SYT16: variants seen among roughly 807,000 people sequenced by gnomAD.
SYT16 encodes the protein synaptotagmin-16.
Under a neutral mutation model 61.4 loss-of-function variants are expected in SYT16, and 42 were observed. The ratio of observed to expected loss-of-function variants is 0.68; its 90% CI spans 0.53 to 0.89. The LOEUF (loss-of-function observed/expected upper bound fraction) is 0.89. Ranked by LOEUF, SYT16 falls within the 40% of genes least tolerant of loss-of-function variation. The probability of loss-of-function intolerance (pLI) is 0.00; values close to 1 mark genes in which losing one functional copy is unlikely to be tolerated. For synonymous variants in SYT16, 314 were observed against 302.3 expected, an observed-to-expected ratio of 1.04 and a Z score of -0.40; for missense variants, 804 against 807.3, an observed-to-expected ratio of 1.00 and a Z score of 0.05.
chr14:62,039,129 C>T (rs779203159), intron 3 of SYT16, among the ~76,000 whole-genome samples: 6 of 151,916 alleles, frequency 3.9e-5, no homozygotes, highest in Non-Finnish European at 7.4e-5. Flanking sequence ...TCCTCTTCTT[C>T]AGTGAAGAAA....
chr14:62,078,136 TCG>T (rs199559909), intron 5 of SYT16, among the ~76,000 whole-genome samples: 3,036 of 139,472 alleles, frequency 0.022, 60 homozygotes, highest in African/African-American at 0.047. Flanking sequence ...TAGTGCTCTC[TCG>T]CTCTCTCTCT....
chr14:62,111,253 G>C lies in SYT16; in HGVS notation c.*10546G>C, dbSNP rs2057603508. ...ATGGGTGTCCTTGAAGAACTTTCAT[G>C]AAAAAAATGTAAATGTGAATGATTC... On this transcript the variant is annotated 3_prime_UTR_variant, in exon 8 of 8. Transcript: ENST00000683842. The C allele has an allele frequency of 6.6e-6, 1 of 151,834 alleles. No individual in the cohort carries two copies. Among genetic ancestry groups the C allele is most frequent in the African/African-American group, 2.4e-5 (1 of 41,368 alleles). The allele number at this position is 151,834 out of a possible 1,614,324, so 9.4% of individuals were successfully genotyped here. A position where few individuals can be genotyped will look rare whatever the true frequency, so the allele number is the denominator to read the frequency against.
At chr14:62,067,437 C>T (rs2056107594) in intron 3 of SYT16, among the ~76,000 whole-genome samples, 1 of 151,966 alleles carries the variant, frequency 6.6e-6, no homozygotes, top group Admixed American at 6.6e-5. Context: ...CTGGGGGAGG[C>T]AGAAGGAACA....
At chr14:61,908,124 C>G (rs1260685606) in intron 1 of SYT16, among the ~76,000 whole-genome samples, 1 of 152,254 alleles carries the variant, frequency 6.6e-6, no homozygotes, top group Non-Finnish European at 1.5e-5. Context: ...TTAAAGGCTG[C>G]TGTTTACCTG....
chr14:61,904,980 G>A (rs2119759), intron 1 of SYT16, among the ~76,000 whole-genome samples: 138,420 of 152,204 alleles, frequency 0.91, 63,076 homozygotes, highest in East Asian at 0.98. Context: ...TTCTTATGTG[G>A]CCTAAAACTT....
intron 4 of SYT16, 54 bp from the exon 5 acceptor site, chr14:62,075,081 T>C (rs2056433979): frequency 4.6e-6 from 7 of 1,532,492 alleles, no homozygotes; most frequent in Non-Finnish European, 6.2e-6. Context: ...TTTCTCTAGG[T>C]AAAAAGGTGT....
intron 1 of SYT16, among the ~76,000 whole-genome samples, chr14:61,935,358 C>T (rs1330262802): frequency 6.6e-6 from 1 of 152,224 alleles, no homozygotes; most frequent in Non-Finnish European, 1.5e-5. Context: ...GTTCCCTTTT[C>T]TTTCTATCTG....
At chr14:62,037,322 T>G (rs897999902) in intron 3 of SYT16, among the ~76,000 whole-genome samples, 40 of 152,194 alleles carry the variant, frequency 2.6e-4, no homozygotes, top group Admixed American at 5.9e-4. Context: ...CTATCCTGTG[T>G]CTTAAATTTA....
intron 1 of SYT16, among the ~76,000 whole-genome samples, chr14:61,929,481 C>A (rs2049675733): frequency 6.6e-6 from 1 of 152,192 alleles, no homozygotes; most frequent in Non-Finnish European, 1.5e-5. Context: ...CTAGCAACAC[C>A]CCGCTGCCTC....
chr14:61,906,018 G>A (rs1171825753), intron 1 of SYT16, among the ~76,000 whole-genome samples: 6 of 152,178 alleles, frequency 3.9e-5, no homozygotes, highest in Non-Finnish European at 7.3e-5. Flanking sequence ...GCCTTCCAAA[G>A]TGCTGGGATT....
At chr14:61,842,105 C>T (rs2046317248) in intron 1 of SYT16, among the ~76,000 whole-genome samples, 1 of 151,968 alleles carries the variant, frequency 6.6e-6, no homozygotes, top group Admixed American at 6.6e-5. Context: ...TTCAGTACAG[C>T]CATGCAATGT....
intron 1 of SYT16, among the ~76,000 whole-genome samples, chr14:61,840,928 A>G (rs759048570): frequency 2.8e-4 from 43 of 152,340 alleles, no homozygotes; most frequent in Non-Finnish European, 5.3e-4. Flanking sequence ...GGAAAAGCCA[A>G]TGGAAGGGGA....
intron 3 of SYT16, among the ~76,000 whole-genome samples, chr14:62,060,511 ATTT>A (rs3079201): frequency 2.3e-4 from 34 of 148,738 alleles, no homozygotes; most frequent in East Asian, 1.8e-3. Context: ...GGATGGTGAA[ATTT>A]TTTTTTTTTT....
At chr14:61,939,444 T>A (rs2050121959) in intron 1 of SYT16, among the ~76,000 whole-genome samples, 1 of 152,214 alleles carries the variant, frequency 6.6e-6, no homozygotes, top group Non-Finnish European at 1.5e-5. Flanking sequence ...GAGATCTATT[T>A]TCTCACAGTC....
At chr14:61,836,983 TAGG>T (rs1324108284) in intron 1 of SYT16, among the ~76,000 whole-genome samples, 1 of 152,142 alleles carries the variant, frequency 6.6e-6, no homozygotes, top group Non-Finnish European at 1.5e-5. Context: ...CCCCTACTGA[TAGG>T]AGGAGCAAGG....
At chr14:62,039,863 ACACACACACACACACG>A (rs1379156189) in intron 3 of SYT16, among the ~76,000 whole-genome samples, 2 of 140,500 alleles carry the variant, frequency 1.4e-5, no homozygotes, top group South Asian at 2.4e-4. Flanking sequence ...ACACACACAC[ACACACACACACACACG>A]CACATACACA....
Position 62,075,157 on chromosome 14 carries a change from G to A in SYT16, c.759G>A (p.Arg253=). The change falls in exon 5 of 8, where the codon CGG becomes CGA. Residue 253 remains arginine (R), a synonymous_variant. Coordinates refer to ENST00000683842, the MANE Select transcript of SYT16 (RefSeq NM_001367656.1). ...TAGATTTGGATGGAGCCAGCCAACGGCGTTATTCTGAGAATCTCTCCTACG... is the reference window on the plus strand; with the variant it reads ...TAGATTTGGATGGAGCCAGCCAACGACGTTATTCTGAGAATCTCTCCTACG... The part of the protein sequence containing the change: ...ACEDLDGASQ[R]RYSENLSYGE... 1 of 1,611,084 alleles carries A rather than the reference G, an allele frequency of 6.2e-7. No individual in the cohort carries two copies. Among genetic ancestry groups the A allele is most frequent in the Non-Finnish European group, 8.5e-7 (1 of 1,178,384 alleles).
intron 1 of SYT16, among the ~76,000 whole-genome samples, chr14:61,951,848 G>A (rs556202874): frequency 5.9e-5 from 9 of 152,190 alleles, no homozygotes; most frequent in Non-Finnish European, 8.8e-5. Context: ...GGAGGGCAGT[G>A]GTGTGATCAC....
At chr14:61,840,527 G>A (rs903605481) in intron 1 of SYT16, among the ~76,000 whole-genome samples, 7 of 152,146 alleles carry the variant, frequency 4.6e-5, no homozygotes, top group African/African-American at 1.7e-4. Context: ...GGAAGAGGGT[G>A]GCCGTAGCAG....
Sources: allele counts gnomAD v4.1 joint callset (sites outside exome capture counted in the v4.1 genomes callset), GRCh38; gene constraint gnomAD v4.1.1; transcripts MANE v1.5; gene names NCBI Gene and HGNC (gene_info 2026-07-23, HGNC 2026-07-21).